Variants in ELAVL2 observed in about 807,000 individuals in gnomAD.
The protein encoded by ELAVL2 is ELAV like RNA binding protein 2.
A neutral mutation model predicts 34.6 loss-of-function variants in ELAVL2; 4 were observed. That is an observed-to-expected ratio of 0.12 (90% CI 0.06 to 0.26). The LOEUF (loss-of-function observed/expected upper bound fraction) is 0.26. Among genes scored for constraint, ELAVL2 ranks in the 10% least tolerant of loss-of-function variants. ELAVL2 has a pLI of 1.00. For synonymous variants in ELAVL2, 193 were observed against 154.8 expected, an observed-to-expected ratio of 1.25 and a Z score of -1.83; for missense variants, 432 against 442.8, an observed-to-expected ratio of 0.98 and a Z score of 0.22.
rs529268731 is a variant in ELAVL2 at position 23,691,697 on chromosome 9, G to T, written c.*860C>A. The T allele has an allele frequency of 5.2e-5, 8 of 152,542 alleles. No individual in the cohort carries two copies. The highest frequency in any genetic ancestry group is 8.8e-5 in the Non-Finnish European group (6 of 67,958). The allele number at this position is 152,542 out of a possible 1,614,324, so 9.4% of individuals were successfully genotyped here. On this transcript the variant is annotated 3_prime_UTR_variant, in exon 7 of 7. Coordinates refer to ENST00000397312, the MANE Select transcript of ELAVL2 (RefSeq NM_004432.5). ...GAAACCAGCAGTGTTTCCCCCCATT[G>T]ATTCTACTCCTTTCATACAAAGATC...
chr9:23,783,576 G>T (rs375161240), intron 1 of ELAVL2: 3 of 834,904 alleles, frequency 3.6e-6, no homozygotes, highest in Non-Finnish European at 4.3e-6. Context: ...GAAGAAAACA[G>T]ATATGCCTCA....
intron 2 of ELAVL2, among the ~76,000 whole-genome samples, chr9:23,734,548 G>A (rs753956371): frequency 8.5e-5 from 13 of 152,110 alleles, no homozygotes; most frequent in Non-Finnish European, 1.3e-4. Context: ...GGCATATTGC[G>A]TATAAGCCCA....
rs199637833 is a variant in ELAVL2, at chr9:23,699,812, G to GTTTTTTTTTTTTTT, written c.713+1553_713+1566dup. On this transcript the variant is annotated intron_variant, in intron 5 of 6. Coordinates refer to ENST00000397312, the MANE Select transcript of ELAVL2 (RefSeq NM_004432.5). ...CCATGGGAAGTCAAAGGTGGCAAAG[G>GTTTTTTTTTTTTTT]TTTTTTTTTTTTTTTTTTTTTTTTT... is the stretch of plus-strand genomic sequence containing the variant. Among the ~76,000 whole-genome samples the GTTTTTTTTTTTTTT allele has an allele frequency of 2.0e-4, 17 of 82,972 alleles. 2 individuals are homozygous for GTTTTTTTTTTTTTT. The highest frequency in any genetic ancestry group is 3.0e-4 in the Non-Finnish European group (13 of 42,732). 54.4% of individuals were successfully genotyped at this position (82,972 alleles called of 152,430 possible).
rs757911537 is a variant in ELAVL2 at position 23,692,543 on chromosome 9, A to G, written c.*14T>C. ...ATAGTTTTCATATATAAATGGACTGAGGACAAGAGCTCATTAGGCTTTGTG... is the reference window on the plus strand; with the variant it reads ...ATAGTTTTCATATATAAATGGACTGGGGACAAGAGCTCATTAGGCTTTGTG... On this transcript the variant is annotated 3_prime_UTR_variant, in exon 7 of 7. Coordinates refer to ENST00000397312, the MANE Select transcript of ELAVL2 (RefSeq NM_004432.5). 4 of 1,603,534 alleles carry G rather than the reference A, an allele frequency of 2.5e-6. No homozygotes were observed. Among genetic ancestry groups the G allele is most frequent in the Non-Finnish European group, 3.4e-6 (4 of 1,173,232 alleles).
At chr9:23,744,747 C>A (rs970897180) in intron 2 of ELAVL2, among the ~76,000 whole-genome samples, 2 of 150,270 alleles carry the variant, frequency 1.3e-5, no homozygotes, top group African/African-American at 2.4e-5. Context: ...GCACCCCCCA[C>A]GAAAAAAAAT....
intron 1 of ELAVL2, among the ~76,000 whole-genome samples, chr9:23,783,039 CTAT>C (rs1288709988): frequency 1.2e-4 from 19 of 152,318 alleles, no homozygotes; most frequent in African/African-American, 4.6e-4. Context: ...TAACTGGTAA[CTAT>C]TTGGCTAGAG....
the ELAVL2 span, among the ~76,000 whole-genome samples, chr9:23,835,836 T>C: frequency 6.6e-6 from 1 of 152,184 alleles, no homozygotes. Flanking sequence ...TCTAAATTCA[T>C]TGTAGGTAAC....
intron 1 of ELAVL2, among the ~76,000 whole-genome samples, chr9:23,771,024 T>G (rs2057211272): frequency 6.6e-6 from 1 of 152,016 alleles, no homozygotes; most frequent in African/African-American, 2.4e-5. Context: ...AAGGAAACTA[T>G]AAAAGGTTTT....
At chr9:23,747,369 T>G (rs978449813) in intron 2 of ELAVL2, among the ~76,000 whole-genome samples, 12 of 152,090 alleles carry the variant, frequency 7.9e-5, no homozygotes, top group Non-Finnish European at 1.8e-4. Context: ...AACACTATGG[T>G]TGACCACCAG....
rs757476671 is a variant in ELAVL2 at position 23,693,441 on chromosome 9, T to A, written c.752+7A>T. On this transcript the variant is annotated splice_region_variant and intron_variant, in intron 6 of 6. Transcript: ENST00000397312. Reference sequence around the variant, plus strand: ...GGATTATGAGTATCATGAACCTCTATCATTACCTCTTTACTCCATAAGCCA... The same window carrying A: ...GGATTATGAGTATCATGAACCTCTAACATTACCTCTTTACTCCATAAGCCA... 3 of 1,613,888 alleles carry A rather than the reference T, an allele frequency of 1.9e-6. No homozygotes were observed. Among genetic ancestry groups the A allele is most frequent in the African/African-American group, 2.7e-5 (2 of 74,916 alleles).
At chr9:23,821,515 G>A in intron 1 of ELAVL2, 1 of 152,338 alleles carries the variant, frequency 6.6e-6, no homozygotes. Flanking sequence ...AGACGCAGCG[G>A]GGGCGCGCAC....
chr9:23,836,070 C>G, the ELAVL2 span, among the ~76,000 whole-genome samples: 1 of 152,152 alleles, frequency 6.6e-6, no homozygotes, highest in Non-Finnish European at 1.5e-5. Context: ...ACTAACCCCT[C>G]TTAACTCTTC....
Position 23,705,057 on chromosome 9 carries a change from G to C in ELAVL2, c.348C>G (p.Arg116=). 1 of 1,614,060 alleles carries C rather than the reference G, an allele frequency of 6.2e-7. No individual in the cohort carries two copies. Among genetic ancestry groups the C allele is most frequent in the Non-Finnish European group, 8.5e-7 (1 of 1,179,988 alleles). The change falls in exon 4 of 7, where the codon CGC becomes CGG. Residue 116 remains arginine (R), a synonymous_variant. Coordinates refer to ENST00000397312, the MANE Select transcript of ELAVL2 (RefSeq NM_004432.5). ...CATCTCTGATAGAAGCTGAACTTGG[G>C]CGAGCATAGGAAACCTGGAAAAGGA... The part of the protein sequence containing the change: ...QTKTIKVSYA[R]PSSASIRDAN...
intron 1 of ELAVL2, among the ~76,000 whole-genome samples, chr9:23,815,645 A>C (rs1248503266): frequency 6.6e-6 from 1 of 152,168 alleles, no homozygotes; most frequent in Non-Finnish European, 1.5e-5. Context: ...TGGGGAGGGT[A>C]AGATTTTATA....
intron 1 of ELAVL2, among the ~76,000 whole-genome samples, chr9:23,803,335 T>A (rs1227213602): frequency 1.3e-5 from 2 of 152,242 alleles, no homozygotes; most frequent in African/African-American, 4.8e-5. Context: ...AACAAGCTAT[T>A]ACATGTTTCA....
chr9:23,806,801 G>T (rs979731281), intron 1 of ELAVL2, among the ~76,000 whole-genome samples: 2 of 152,128 alleles, frequency 1.3e-5, no homozygotes, highest in Admixed American at 6.5e-5. Context: ...GCAATGGGAA[G>T]TTGTTACCCC....
intron 1 of ELAVL2, among the ~76,000 whole-genome samples, chr9:23,808,437 A>G (rs1216879318): frequency 6.6e-6 from 1 of 152,144 alleles, no homozygotes; most frequent in African/African-American, 2.4e-5. Flanking sequence ...GAAAATCTGC[A>G]CAGGAAACCA....
At chr9:23,717,684 C>T (rs1003933974) in intron 3 of ELAVL2, among the ~76,000 whole-genome samples, 2 of 152,122 alleles carry the variant, frequency 1.3e-5, no homozygotes. Flanking sequence ...AGTGGCATAT[C>T]CATTTTCATT....
intron 1 of ELAVL2, among the ~76,000 whole-genome samples, chr9:23,763,152 C>T (rs1011774118): frequency 1.6e-4 from 25 of 152,184 alleles, no homozygotes; most frequent in East Asian, 1.9e-4. Flanking sequence ...AAGGAATTCT[C>T]GTCTGAGCAC....
Sources: allele counts gnomAD v4.1 joint callset (sites outside exome capture counted in the v4.1 genomes callset), GRCh38; gene constraint gnomAD v4.1.1; transcripts MANE v1.5; gene names NCBI Gene and HGNC (gene_info 2026-07-23, HGNC 2026-07-21).